Variants in MALRD1 observed in about 807,000 individuals in gnomAD.
MALRD1 encodes MAM and LDL receptor class A domain containing 1.
A neutral mutation model predicts 242.1 loss-of-function variants in MALRD1; 247 were observed. The observed-to-expected ratio is 1.02, with a 90% CI of 0.92 to 1.13. The LOEUF (loss-of-function observed/expected upper bound fraction) is 1.13, where lower values mean the gene tolerates loss of function less well. Ranked by LOEUF, MALRD1 falls within the 50% of genes most tolerant of loss-of-function variation. MALRD1 has a pLI of 0.00. For synonymous variants in MALRD1, 995 were observed against 866.6 expected, an observed-to-expected ratio of 1.15 and a Z score of -2.60; for missense variants, 2,989 against 2,533.1, an observed-to-expected ratio of 1.18 and a Z score of -3.86.
chr10:19,388,745 T>C (rs1393846813), intron 27 of MALRD1, among the ~76,000 whole-genome samples: 3 of 152,112 alleles, frequency 2.0e-5, no homozygotes, highest in Non-Finnish European at 2.9e-5. Flanking sequence ...AGCTTGTTAC[T>C]TTATTCCTTG....
At chr10:19,215,484 T>C (rs1011528544) in intron 18 of MALRD1, among the ~76,000 whole-genome samples, 13 of 152,226 alleles carry the variant, frequency 8.5e-5, no homozygotes, top group Admixed American at 2.0e-4. Context: ...TCGTTTCTTC[T>C]TTAAAAAAGC....
chr10:19,693,098 A>G (rs1463434795), intron 38 of MALRD1, among the ~76,000 whole-genome samples: 1 of 151,948 alleles, frequency 6.6e-6, no homozygotes, highest in Non-Finnish European at 1.5e-5. Context: ...GCTATTTATG[A>G]CAAACCCACA....
Position 19,457,882 on chromosome 10 carries a change from A to G in MALRD1, c.5029+7392A>G, listed in dbSNP as rs374024423. Among the ~76,000 whole-genome samples the G allele has an allele frequency of 1.6e-4, 25 of 152,084 alleles. No individual in the cohort carries two copies. The South Asian group carries it at 5.0e-3, about 30-fold the overall frequency. On this transcript the variant is annotated intron_variant, in intron 29 of 39. Transcript: ENST00000454679. ...AAGTGATGTTTTAAAATTTTTTAATATTCAAATAATCCTTATTGTTACAGG... is the reference window on the plus strand; with the variant it reads ...AAGTGATGTTTTAAAATTTTTTAATGTTCAAATAATCCTTATTGTTACAGG...
intron 14 of MALRD1, among the ~76,000 whole-genome samples, chr10:19,176,796 G>T (rs1024381973): frequency 1.3e-5 from 2 of 151,708 alleles, no homozygotes; most frequent in African/African-American, 2.4e-5. Flanking sequence ...GTGTGTGCAT[G>T]TGTGCGCGTG....
At chr10:19,244,433 T>C (rs1485821045) in intron 18 of MALRD1, among the ~76,000 whole-genome samples, 1 of 152,046 alleles carries the variant, frequency 6.6e-6, no homozygotes, top group African/African-American at 2.4e-5. Context: ...TAGCTGGATA[T>C]GGTGGCACAT....
intron 19 of MALRD1, among the ~76,000 whole-genome samples, chr10:19,272,928 T>C (rs1280942339): frequency 6.6e-6 from 1 of 152,186 alleles, no homozygotes; most frequent in Non-Finnish European, 1.5e-5. Context: ...ATCCAGTCTA[T>C]CATTGATGGA....
At chr10:19,705,596 G>T (rs570648584) in intron 38 of MALRD1, among the ~76,000 whole-genome samples, 7 of 151,984 alleles carry the variant, frequency 4.6e-5, no homozygotes, top group Non-Finnish European at 8.8e-5. Context: ...TGAGTACAGG[G>T]TTTTGAAATC....
chr10:19,692,596 A>G, intron 38 of MALRD1, 42 bp downstream of exon 38: 1 of 1,455,200 alleles, frequency 6.9e-7, no homozygotes, highest in Non-Finnish European at 9.2e-7. Context: ...ATACCGTAGC[A>G]GAAAAATTTT....
intron 33 of MALRD1, among the ~76,000 whole-genome samples, chr10:19,580,854 G>A (rs952370807): frequency 6.6e-6 from 1 of 152,014 alleles, no homozygotes; most frequent in Non-Finnish European, 1.5e-5. Context: ...GGCCAAACAA[G>A]CCTTCCTGAT....
intron 33 of MALRD1, among the ~76,000 whole-genome samples, chr10:19,592,914 G>A (rs191491258): frequency 1.3e-5 from 2 of 151,472 alleles, no homozygotes; most frequent in Non-Finnish European, 2.9e-5. Context: ...ACTAAAGTTG[G>A]TTCTAGATTC....
At chr10:19,218,952 A>G (rs767335497) in intron 18 of MALRD1, among the ~76,000 whole-genome samples, 1 of 152,158 alleles carries the variant, frequency 6.6e-6, no homozygotes, top group Non-Finnish European at 1.5e-5. Context: ...CCATTTTTCT[A>G]ATAAGATTAC....
intron 18 of MALRD1, among the ~76,000 whole-genome samples, chr10:19,217,951 T>C (rs535562612): frequency 1.3e-5 from 2 of 152,294 alleles, no homozygotes; most frequent in Non-Finnish European, 2.9e-5. Flanking sequence ...AAATGTTTGT[T>C]GAGTGGCTGT....
At chr10:19,507,604 A>G (rs1234093698) in intron 31 of MALRD1, among the ~76,000 whole-genome samples, 1 of 152,202 alleles carries the variant, frequency 6.6e-6, no homozygotes, top group Non-Finnish European at 1.5e-5. Flanking sequence ...TTTAATATGA[A>G]TTTTAAACAA....
chr10:19,086,135 T>G (rs1835661298), intron 2 of MALRD1, among the ~76,000 whole-genome samples: 1 of 152,054 alleles, frequency 6.6e-6, no homozygotes, highest in South Asian at 2.1e-4. Flanking sequence ...TACAGTTACT[T>G]CAGTTATGTC....
At chr10:19,070,465 C>G (rs1166721337) in intron 2 of MALRD1, among the ~76,000 whole-genome samples, 4 of 152,048 alleles carry the variant, frequency 2.6e-5, no homozygotes, top group Non-Finnish European at 5.9e-5. Context: ...CAGAAAAATC[C>G]TAAGTGGAAC....
Position 19,692,146 on chromosome 10 carries a change from G to A in MALRD1, c.6138-136G>A, listed in dbSNP as rs1023553603. 15 of 617,840 alleles carry A rather than the reference G, an allele frequency of 2.4e-5. No homozygotes were observed. In the Admixed American group the frequency reaches 5.1e-4, roughly 21 times the overall value. 38.3% of individuals were successfully genotyped at this position (617,840 alleles called of 1,614,324 possible). A position where few individuals can be genotyped will look rare whatever the true frequency, so the allele number is the denominator to read the frequency against. ...GGTTTTGCTTTGGCTTAAAGTTTTT[G>A]GTTTTTTATCAAAGTTATCCATGTT... On this transcript the variant is annotated intron_variant, in intron 36 of 39. Coordinates refer to ENST00000454679, the MANE Select transcript of MALRD1 (RefSeq NM_001142308.3).
At chr10:19,376,698 G>A (rs1480362482) in intron 26 of MALRD1, among the ~76,000 whole-genome samples, 3 of 151,760 alleles carry the variant, frequency 2.0e-5, no homozygotes, top group Non-Finnish European at 4.4e-5. Context: ...TGAGATTACA[G>A]GTGCCCAACA....
intron 18 of MALRD1, among the ~76,000 whole-genome samples, chr10:19,214,958 G>A (rs746579398): frequency 1.3e-5 from 2 of 152,192 alleles, no homozygotes; most frequent in Non-Finnish European, 2.9e-5. Flanking sequence ...ACACTCTCAT[G>A]ATATGCAGAT....
chr10:19,584,655 A>T (rs1217050844), intron 33 of MALRD1, among the ~76,000 whole-genome samples: 3 of 151,758 alleles, frequency 2.0e-5, no homozygotes, highest in Non-Finnish European at 4.4e-5. Context: ...TTATGTGGTC[A>T]ATTTTGGAAT....
Sources: allele counts gnomAD v4.1 joint callset (sites outside exome capture counted in the v4.1 genomes callset), GRCh38; gene constraint gnomAD v4.1.1; transcripts MANE v1.5; gene names NCBI Gene and HGNC (gene_info 2026-07-23, HGNC 2026-07-21).